CUL3: variants seen among roughly 807,000 people sequenced by gnomAD.
The protein encoded by CUL3 is cullin-3.
CUL3 carries 19 observed loss-of-function variants against 89.1 expected under a neutral mutation model. The observed-to-expected ratio is 0.21, with a 90% CI of 0.15 to 0.31. The LOEUF is 0.31. Ranked by LOEUF, CUL3 falls within the 10% of genes least tolerant of loss-of-function variation. CUL3 has a pLI of 1.00. For synonymous variants in CUL3, 351 were observed against 308.4 expected, an observed-to-expected ratio of 1.14 and a Z score of -1.45; for missense variants, 469 against 942.3, an observed-to-expected ratio of 0.50 and a Z score of 6.58.
At chr2:224,512,556 C>T (rs961449874) in intron 5 of CUL3, among the ~76,000 whole-genome samples, 1 of 152,164 alleles carries the variant, frequency 6.6e-6, no homozygotes, top group African/African-American at 2.4e-5. Flanking sequence ...TTGTTATCAT[C>T]ATTTCATTAC....
chr2:224,509,115 T>C (rs748903221), intron 6 of CUL3, among the ~76,000 whole-genome samples: 1 of 152,224 alleles, frequency 6.6e-6, no homozygotes, highest in Non-Finnish European at 1.5e-5. Context: ...GGCTCTGCTA[T>C]ATTCTCAACA....
chr2:224,484,026 C>T (rs1691626840), intron 13 of CUL3, among the ~76,000 whole-genome samples: 2 of 152,066 alleles, frequency 1.3e-5, no homozygotes, highest in Admixed American at 1.3e-4. Context: ...CTGCTCTCTA[C>T]CAAACATTTA....
chr2:224,490,640 G>C (rs187400321), intron 13 of CUL3, among the ~76,000 whole-genome samples: 48 of 150,780 alleles, frequency 3.2e-4, no homozygotes, highest in African/African-American at 1.1e-3. Context: ...GGGTGCAGCA[G>C]ACCACCATGG....
intron 3 of CUL3, among the ~76,000 whole-genome samples, chr2:224,519,027 C>A (rs1412436173): frequency 2.0e-5 from 3 of 152,132 alleles, no homozygotes; most frequent in African/African-American, 7.2e-5. Context: ...GTAAAGGAAG[C>A]CAAGGCATGT....
At chr2:224,476,555 T>G (rs1691330804) in intron 15 of CUL3, among the ~76,000 whole-genome samples, 1 of 152,162 alleles carries the variant, frequency 6.6e-6, no homozygotes, top group Admixed American at 6.5e-5. Context: ...CCATTTCAAT[T>G]TGAAGTTCTT....
At chr2:224,478,542 G>A (rs1227292041) in intron 14 of CUL3, 197 bp from the exon 15 acceptor site, 1 of 427,886 alleles carries the variant, frequency 2.3e-6, no homozygotes, top group East Asian at 3.5e-5. Flanking sequence ...TCAAAAATGA[G>A]GAATTTAACT....
rs534810140 is a variant in CUL3, at chr2:224,550,573, C to G, written c.264+7086G>C. 2.1e-4 allele frequency among the ~76,000 whole-genome samples: 32 copies of G among 152,264 alleles called. No homozygotes were observed. The South Asian group carries it at 6.0e-3, about 29-fold the overall frequency. On this transcript the variant is annotated intron_variant, in intron 2 of 15. Coordinates refer to ENST00000264414, the MANE Select transcript of CUL3 (RefSeq NM_003590.5). ...AAACTAACCTGTTCAAAATGGAGCT[C>G]CTTTGTCTGCCCCACCGTATCAGAA... is the stretch of plus-strand genomic sequence containing the variant.
Position 224,500,447 on chromosome 2 carries a change from G to A in CUL3, c.1526C>T (p.Thr509Met), listed in dbSNP as rs1574631934. The A allele has an allele frequency of 6.2e-7, 1 of 1,613,574 alleles. No homozygotes were observed. Among genetic ancestry groups the A allele is most frequent in the Non-Finnish European group, 8.5e-7 (1 of 1,179,846 alleles). Residue 509 changes from threonine to methionine, a missense_variant, in exon 11 of 16, where the codon ACG (threonine) becomes ATG (methionine). Physicochemically the swap from Thr to Met is moderately conservative, Grantham distance 81. Around this residue, in one of 4 missense-constraint regions of CUL3, gnomAD observed 370 missense variants for 733.2 expected, o/e 0.50. Transcript: ENST00000264414. ...GGVDLTVRVL[T>M]TGYWPTQSAT... ...TGACTGAGTGGGCCAATATCCTGTCGTGAGCACCCGGACTGTAAGATCAAC... is the reference window on the plus strand; with the variant it reads ...TGACTGAGTGGGCCAATATCCTGTCATGAGCACCCGGACTGTAAGATCAAC...
chr2:224,525,825 T>C (rs1224536052), intron 3 of CUL3, among the ~76,000 whole-genome samples: 1 of 152,206 alleles, frequency 6.6e-6, no homozygotes, highest in African/African-American at 2.4e-5. Context: ...TTATCATAAT[T>C]CCTCAGACAC....
At chr2:224,574,272 T>C (rs1295573543) in intron 1 of CUL3, among the ~76,000 whole-genome samples, 1 of 152,158 alleles carries the variant, frequency 6.6e-6, no homozygotes, top group Non-Finnish European at 1.5e-5. Flanking sequence ...AAGTACTAAA[T>C]GGAGGTCAAA....
intron 1 of CUL3, chr2:224,562,826 A>T (rs564992295): frequency 1.3e-5 from 2 of 155,546 alleles, no homozygotes; most frequent in East Asian, 3.8e-4. Context: ...ATCTTGGTAA[A>T]CATAGTTAGT....
chr2:224,563,424 CA>C (rs1324502096), intron 1 of CUL3: 1 of 330,114 alleles, frequency 3.0e-6, no homozygotes, highest in African/African-American at 2.2e-5. Flanking sequence ...AAACAATAAA[CA>C]AAACTTTCCA....
At chr2:224,536,036 T>C (rs1693886665) in intron 2 of CUL3, among the ~76,000 whole-genome samples, 1 of 152,198 alleles carries the variant, frequency 6.6e-6, no homozygotes. Context: ...AATACTGATT[T>C]TGGAGTCAAT....
chr2:224,482,473 C>A (rs537654974), intron 13 of CUL3, among the ~76,000 whole-genome samples: 1 of 151,972 alleles, frequency 6.6e-6, no homozygotes, highest in Admixed American at 6.5e-5. Context: ...TACTCTTTTG[C>A]TTAGTAATTT....
chr2:224,513,923 G>C (rs971811698), intron 4 of CUL3, among the ~76,000 whole-genome samples: 1 of 152,204 alleles, frequency 6.6e-6, no homozygotes, highest in Non-Finnish European at 1.5e-5. Flanking sequence ...TGGAAGAAGG[G>C]AGAGAGGGAG....
At chr2:224,539,028 G>GCTTC (rs765823733) in intron 2 of CUL3, among the ~76,000 whole-genome samples, 43,554 of 152,068 alleles carry the variant, frequency 0.29, 6,543 homozygotes, top group Middle Eastern at 0.41. Flanking sequence ...TCAGTGAAGA[G>GCTTC]AATGAGAAAA....
At chr2:224,544,826 A>G (rs929353270) in intron 2 of CUL3, among the ~76,000 whole-genome samples, 2 of 151,436 alleles carry the variant, frequency 1.3e-5, no homozygotes, top group Non-Finnish European at 2.9e-5. Flanking sequence ...TTGAGAAAAA[A>G]GCTTCATGGC....
chr2:224,518,531 A>T (rs1229573075), intron 3 of CUL3, among the ~76,000 whole-genome samples: 1 of 152,180 alleles, frequency 6.6e-6, no homozygotes, highest in African/African-American at 2.4e-5. Context: ...AAACTTTTCT[A>T]AGGGGGATCT....
intron 1 of CUL3, among the ~76,000 whole-genome samples, chr2:224,575,788 G>A (rs1695284574): frequency 6.6e-6 from 1 of 152,156 alleles, no homozygotes; most frequent in Admixed American, 6.5e-5. Flanking sequence ...AGGATAAAAT[G>A]CAAAATGGAA....
Sources: gnomAD v4.1 joint callset for allele counts (sites outside exome capture counted in the v4.1 genomes callset) on GRCh38, gnomAD v4.1.1 for gene constraint, gnomAD v4.1.1 regional missense constraint, MANE v1.5 for transcripts, NCBI Gene and HGNC (gene_info 2026-07-23, HGNC 2026-07-21) for gene names.